BTBD10: variants seen among roughly 807,000 people sequenced by gnomAD.
BTBD10 encodes BTB domain containing 10, also known as BTB/POZ domain-containing protein 10.
BTBD10 carries 21 observed loss-of-function variants against 53.2 expected under a neutral mutation model. The observed-to-expected ratio is 0.39, with a 90% CI of 0.28 to 0.57. BTBD10 has a LOEUF of 0.57. Among genes scored for constraint, BTBD10 ranks in the 20% least tolerant of loss-of-function variants. BTBD10 has a pLI of 0.53. For missense variants in BTBD10, 360 were observed against 594.7 expected (o/e 0.61, Z 4.10); for synonymous variants, 149 against 192.7 (o/e 0.77, Z 1.88).
chr11:13,401,382 C>CT (rs1949713539), intron 8 of BTBD10, among the ~76,000 whole-genome samples: 1 of 152,060 alleles, frequency 6.6e-6, no homozygotes, highest in Non-Finnish European at 1.5e-5. Context: ...TGAGAACCAC[C>CT]TATACCTAGG....
intron 6 of BTBD10, among the ~76,000 whole-genome samples, chr11:13,408,019 G>A (rs2135782544): frequency 6.6e-6 from 1 of 152,216 alleles, no homozygotes; most frequent in African/African-American, 2.4e-5. Context: ...CCAGCCTTGT[G>A]AGCCACCCCA....
chr11:13,389,420 T>C (rs1333955987), intron 8 of BTBD10, among the ~76,000 whole-genome samples: 1 of 135,928 alleles, frequency 7.4e-6, no homozygotes, highest in African/African-American at 2.7e-5. Flanking sequence ...GATCTTGGTC[T>C]CTAGCTATGT....
intron 6 of BTBD10, 58 bp from the exon 7 acceptor site, chr11:13,405,914 A>AG: frequency 6.5e-7 from 1 of 1,527,750 alleles, no homozygotes; most frequent in Non-Finnish European, 9.0e-7. Flanking sequence ...GAGTTCTTTT[A>AG]GAAATATAGA....
chr11:13,455,659 T>G (rs1205566864), intron 1 of BTBD10, among the ~76,000 whole-genome samples: 1 of 152,204 alleles, frequency 6.6e-6, no homozygotes, highest in African/African-American at 2.4e-5. Flanking sequence ...AACACCTTAG[T>G]TGAAGCAAAC....
At chr11:13,441,484 A>T (rs900484914) in intron 2 of BTBD10, among the ~76,000 whole-genome samples, 2 of 152,158 alleles carry the variant, frequency 1.3e-5, no homozygotes, top group African/African-American at 4.8e-5. Context: ...AAATATAATA[A>T]TTAAATGATT....
chr11:13,406,615 C>T (rs917887933), intron 6 of BTBD10, among the ~76,000 whole-genome samples: 4 of 64,656 alleles, frequency 6.2e-5, no homozygotes, highest in Admixed American at 1.6e-4. Context: ...GAGAGAGAGA[C>T]AGTGTGTGTG....
rs553417547 is a variant in BTBD10, at chr11:13,446,087, T to C, written c.-57-906A>G. On this transcript the variant is annotated intron_variant, in intron 1 of 8. Coordinates refer to ENST00000278174, the MANE Select transcript of BTBD10 (RefSeq NM_032320.7). ...AAAAATGCTGAGACTAAAGTATTTG[T>C]TTGGAAATAGATGATTTGACTTTCA... Among the ~76,000 whole-genome samples, 22 of 152,272 alleles carry C rather than the reference T, an allele frequency of 1.4e-4. 1 individual carries two copies. Among genetic ancestry groups the C allele is most frequent in the Middle Eastern group, 6.8e-3 (2 of 294 alleles).
intron 2 of BTBD10, among the ~76,000 whole-genome samples, chr11:13,423,741 G>T (rs1950286098): frequency 6.6e-6 from 1 of 151,910 alleles, no homozygotes; most frequent in Non-Finnish European, 1.5e-5. Flanking sequence ...TTGTTATTTT[G>T]GTGGTTTCTT....
At chr11:13,421,910 C>T (rs1366854719) in intron 2 of BTBD10, 72 bp from the exon 3 acceptor site, 9 of 1,265,782 alleles carry the variant, frequency 7.1e-6, no homozygotes, top group Non-Finnish European at 8.5e-6. Context: ...AAGAAACACC[C>T]AAGTAACAAA....
chr11:13,404,984 A>G (rs562738904), intron 7 of BTBD10, among the ~76,000 whole-genome samples: 2 of 152,278 alleles, frequency 1.3e-5, no homozygotes, highest in Non-Finnish European at 2.9e-5. Flanking sequence ...ATTTTATTCA[A>G]TTCCTTGAGT....
At chr11:13,425,974 G>T (rs1240359753) in intron 2 of BTBD10, among the ~76,000 whole-genome samples, 1 of 151,892 alleles carries the variant, frequency 6.6e-6, no homozygotes, top group Non-Finnish European at 1.5e-5. Context: ...CAACGCAATA[G>T]GAAATATTCA....
At chr11:13,462,545 G>A (rs1951122245) in intron 1 of BTBD10, 1 of 152,210 alleles carries the variant, frequency 6.6e-6, no homozygotes, top group Non-Finnish European at 1.5e-5. Flanking sequence ...AAAGATAAGG[G>A]TGTCAGGGCA....
At chr11:13,416,115 G>C (rs1659584256) in intron 5 of BTBD10, among the ~76,000 whole-genome samples, 1 of 151,940 alleles carries the variant, frequency 6.6e-6, no homozygotes, top group South Asian at 2.1e-4. Flanking sequence ...ACTTTGGGAG[G>C]CCAAGGCAGG....
chr11:13,451,715 T>G (rs779042596), intron 1 of BTBD10, among the ~76,000 whole-genome samples: 1 of 152,042 alleles, frequency 6.6e-6, no homozygotes, highest in Non-Finnish European at 1.5e-5. Flanking sequence ...TTATAAGACA[T>G]GCAAAAAATT....
intron 8 of BTBD10, 152 bp from the exon 9 acceptor site, chr11:13,389,293 A>G (rs1949344323): frequency 6.2e-6 from 4 of 641,620 alleles, no homozygotes; most frequent in Non-Finnish European, 1.1e-5. Context: ...TCATCAGTTC[A>G]TGAGCCAGAC....
intron 6 of BTBD10, among the ~76,000 whole-genome samples, chr11:13,412,474 A>G (rs1949979177): frequency 6.6e-6 from 1 of 152,100 alleles, no homozygotes; most frequent in Non-Finnish European, 1.5e-5. Flanking sequence ...CAACAACAAC[A>G]ACAAAAACCC....
intron 1 of BTBD10, among the ~76,000 whole-genome samples, chr11:13,446,617 G>A (rs949188025): frequency 1.3e-5 from 2 of 152,086 alleles, no homozygotes; most frequent in African/African-American, 4.8e-5. Flanking sequence ...ATCTATGACT[G>A]ATGCAAATTC....
chr11:13,445,151 G>A lies in BTBD10; in HGVS notation c.-27C>T, dbSNP rs767079178. On this transcript the variant is annotated 5_prime_UTR_variant, in exon 2 of 9. An upstream open reading frame in the 5' UTR gains an earlier in-frame stop. Coordinates refer to ENST00000278174, the MANE Select transcript of BTBD10 (RefSeq NM_032320.7). ...CCACTCCAAGCTTCCTCACACTACTGCTCTGAAAGCACACATGTAGCACCC... is the reference window on the plus strand; with the variant it reads ...CCACTCCAAGCTTCCTCACACTACTACTCTGAAAGCACACATGTAGCACCC... The A allele has an allele frequency of 3.2e-6, 5 of 1,541,854 alleles. No homozygotes were observed. Among genetic ancestry groups the A allele is most frequent in the Admixed American group, 1.7e-5 (1 of 59,782 alleles).
At chr11:13,415,231 G>C (rs950573713) in intron 5 of BTBD10, among the ~76,000 whole-genome samples, 7 of 149,296 alleles carry the variant, frequency 4.7e-5, no homozygotes, top group African/African-American at 1.7e-4. Flanking sequence ...TCCCACCTCA[G>C]CCTCCCAAGT....
Sources: gnomAD v4.1 joint callset for allele counts (sites outside exome capture counted in the v4.1 genomes callset) on GRCh38, gnomAD v4.1.1 for gene constraint, MANE v1.5 for transcripts, NCBI Gene and HGNC (gene_info 2026-07-23, HGNC 2026-07-21) for gene names.